Variants in SAMSN1 observed in about 807,000 individuals in gnomAD.
The protein encoded by SAMSN1 is SAM domain-containing protein SAMSN-1.
SAMSN1 carries 31 observed loss-of-function variants against 42.0 expected under a neutral mutation model. The observed-to-expected ratio is 0.74, with a 90% CI of 0.55 to 1.00. The LOEUF is 1.00. SAMSN1 is among the 50% of genes least tolerant of loss of function. SAMSN1 has a pLI of 0.00. For synonymous variants in SAMSN1, 178 were observed against 151.9 expected (o/e 1.17, Z -1.26); for missense variants, 464 against 439.4 (o/e 1.06, Z -0.50).
chr21:14,621,203 C>A (rs1450868660), intron 2 of SAMSN1, among the ~76,000 whole-genome samples: 3 of 152,288 alleles, frequency 2.0e-5, no homozygotes, highest in African/African-American at 7.2e-5. Context: ...CGAATAGGAA[C>A]AGCTCCAGTC....
chr21:14,618,683 TGTGTGTGTGC>T (rs770084026), intron 2 of SAMSN1, among the ~76,000 whole-genome samples: 8,403 of 74,200 alleles, frequency 0.11, 293 homozygotes, highest in African/African-American at 0.23. Context: ...TGTGTGTGTG[TGTGTGTGTGC>T]GCGCGCGCGC....
At chr21:14,565,542 C>T (rs1319882316) in intron 2 of SAMSN1, among the ~76,000 whole-genome samples, 1 of 152,058 alleles carries the variant, frequency 6.6e-6, no homozygotes, top group Non-Finnish European at 1.5e-5. Flanking sequence ...TATTTGTTTC[C>T]TTTTAACATG....
At chr21:14,621,308 G>T (rs1982997789) in intron 2 of SAMSN1, among the ~76,000 whole-genome samples, 1 of 152,222 alleles carries the variant, frequency 6.6e-6, no homozygotes, top group Non-Finnish European at 1.5e-5. Context: ...TCAGACAGTG[G>T]GTGCAGCCCA....
intron 2 of SAMSN1, among the ~76,000 whole-genome samples, chr21:14,572,854 T>C (rs2123222594): frequency 6.6e-6 from 1 of 152,282 alleles, no homozygotes; most frequent in East Asian, 1.9e-4. Context: ...AAAGCCATGA[T>C]CTTTGCAGAA....
intron 2 of SAMSN1, among the ~76,000 whole-genome samples, chr21:14,633,924 A>G (rs1054173993): frequency 2.6e-5 from 4 of 152,184 alleles, no homozygotes; most frequent in Non-Finnish European, 5.9e-5. Context: ...TGAATCTGCT[A>G]TATTACTTTC....
chr21:14,540,781 G>A (rs1008166886), intron 1 of SAMSN1, among the ~76,000 whole-genome samples: 3 of 152,202 alleles, frequency 2.0e-5, no homozygotes, highest in Non-Finnish European at 2.9e-5. Flanking sequence ...TCCCATTGCT[G>A]GGTATATACC....
At position 14,606,912 on chromosome 21, in the gene SAMSN1, G is replaced by A. The variant is rs183080407; in HGVS notation, c.322+2570C>T. The stretch of plus-strand genomic sequence containing the variant: ...CAGACAGAAATCTTAGCTAAATATA[G>A]CCTATGGAATTTTTTCATCAGGTCC... On this transcript the variant is annotated intron_variant, in intron 5 of 15. Coordinates refer to the SAMSN1 transcript ENST00000647101. 2.1e-3 allele frequency among the ~76,000 whole-genome samples: 321 copies of A among 152,278 alleles called. 2 individuals are homozygous for A. Among genetic ancestry groups the A allele is most frequent in the African/African-American group, 7.2e-3 (301 of 41,548 alleles).
chr21:14,533,929 G>T (rs564082660), intron 1 of SAMSN1, among the ~76,000 whole-genome samples: 1 of 152,290 alleles, frequency 6.6e-6, no homozygotes, highest in South Asian at 2.1e-4. Flanking sequence ...AGCCAAAAGG[G>T]ATTTTTGCTT....
rs923771819 is a variant in SAMSN1 at position 14,485,785 on chromosome 21, A to G, written c.*127T>C. 9 of 709,948 alleles carry G rather than the reference A, an allele frequency of 1.3e-5. No homozygotes were observed. Among genetic ancestry groups the G allele is most frequent in the African/African-American group, 3.6e-5 (2 of 55,966 alleles). 44.0% of individuals were successfully genotyped at this position (709,948 alleles called of 1,614,324 possible). ...CAAAATTTTATGTACAATTATTCAGATTAAAACATTTAAACTTTAGGTTTT... is the reference window on the plus strand; with the variant it reads ...CAAAATTTTATGTACAATTATTCAGGTTAAAACATTTAAACTTTAGGTTTT... On this transcript the variant is annotated 3_prime_UTR_variant, in exon 8 of 8. Coordinates refer to ENST00000400566, the MANE Select transcript of SAMSN1 (RefSeq NM_022136.5).
chr21:14,548,667 G>A (rs1246463967), upstream of SAMSN1, among the ~76,000 whole-genome samples: 1 of 152,044 alleles, frequency 6.6e-6, no homozygotes, highest in African/African-American at 2.4e-5. Flanking sequence ...AAAGACAGAT[G>A]TGACATTTGA....
upstream of SAMSN1, among the ~76,000 whole-genome samples, chr21:14,659,221 C>T (rs1367840632): frequency 6.6e-6 from 1 of 151,894 alleles, no homozygotes; most frequent in East Asian, 1.9e-4. Context: ...ATTAACAAAA[C>T]GTTTGATTCG....
intron 2 of SAMSN1, among the ~76,000 whole-genome samples, chr21:14,626,985 A>G (rs1157943085): frequency 9.9e-5 from 15 of 152,224 alleles, no homozygotes; most frequent in African/African-American, 3.4e-4. Flanking sequence ...TAGGGACATG[A>G]ATGAAGCTGG....
upstream of SAMSN1, chr21:14,583,779 A>G: frequency 1.4e-6 from 1 of 717,662 alleles, no homozygotes; most frequent in Non-Finnish European, 2.6e-6. Context: ...TTTATGGCCT[A>G]GCACAAACAC....
intron 1 of SAMSN1, among the ~76,000 whole-genome samples, chr21:14,533,547 T>A (rs555613987): frequency 6.6e-6 from 1 of 152,182 alleles, no homozygotes; most frequent in African/African-American, 2.4e-5. Context: ...AAGTATCACG[T>A]CTCTATGTCC....
At chr21:14,605,835 TA>T (rs1264161505) in intron 5 of SAMSN1, among the ~76,000 whole-genome samples, 7 of 150,382 alleles carry the variant, frequency 4.7e-5, no homozygotes, top group African/African-American at 1.7e-4. Context: ...TTTATTTATT[TA>T]TTTATTTATT....
intron 1 of SAMSN1, among the ~76,000 whole-genome samples, chr21:14,535,282 A>T (rs1455282440): frequency 6.6e-6 from 1 of 152,202 alleles, no homozygotes; most frequent in Non-Finnish European, 1.5e-5. Flanking sequence ...TTAGTTTTCA[A>T]ATGATTCCTA....
Position 14,494,153 on chromosome 21 carries a change from G to A in SAMSN1, c.919+4289C>T, listed in dbSNP as rs114699697. 5.1e-3 allele frequency among the ~76,000 whole-genome samples: 781 copies of A among 152,258 alleles called. 7 individuals are homozygous for A. Among genetic ancestry groups the A allele is most frequent in the African/African-American group, 0.017 (727 of 41,550 alleles). On this transcript the variant is annotated intron_variant, in intron 7 of 7. Transcript: ENST00000400566. The stretch of plus-strand genomic sequence containing the variant: ...CAACCATTGTCAAAGACAGTGTGGC[G>A]ATCCCTCACAGATCTAGAACCAGAA...
chr21:14,527,678 T>G (rs932292775), intron 1 of SAMSN1, among the ~76,000 whole-genome samples: 7 of 152,012 alleles, frequency 4.6e-5, no homozygotes, highest in African/African-American at 1.7e-4. Flanking sequence ...AAGATTTGCT[T>G]TCAGAAGTTG....
chr21:14,550,439 A>T (rs1185486378), upstream of SAMSN1, among the ~76,000 whole-genome samples: 1 of 152,128 alleles, frequency 6.6e-6, no homozygotes, highest in East Asian at 1.9e-4. Flanking sequence ...TTAGGGGAAG[A>T]TAAAATTCTG....
Sources: gnomAD v4.1 joint callset for allele counts (sites outside exome capture counted in the v4.1 genomes callset) on GRCh38, gnomAD v4.1.1 for gene constraint, MANE v1.5 for transcripts, NCBI Gene and HGNC (gene_info 2026-07-23, HGNC 2026-07-21) for gene names.